The following ITIH6 variants were observed in gnomAD, a reference collection of about 807,000 sequenced individuals.
The protein encoded by ITIH6 is inter-alpha-trypsin inhibitor heavy chain family member 6, also known as inter-alpha-trypsin inhibitor heavy chain H6.
In ITIH6, 60 loss-of-function variants were observed where a neutral mutation model predicts 58.2. The ratio of observed to expected loss-of-function variants is 1.03; its 90% CI spans 0.84 to 1.28. The LOEUF is 1.28. Among genes scored for constraint, ITIH6 ranks in the 50% most tolerant of loss-of-function variants. The probability of loss-of-function intolerance (pLI) is 0.00; values close to 1 mark genes in which losing one functional copy is unlikely to be tolerated. For synonymous variants in ITIH6, 493 were observed against 417.4 expected (o/e 1.18, Z -2.21); for missense variants, 1,290 against 1,021.1 (o/e 1.26, Z -3.59).
intron 6 of ITIH6, among the ~76,000 whole-genome samples, chrX:54,772,860 C>T (rs887485789): frequency 1.8e-5 from 2 of 111,689 alleles, no homozygotes; most frequent in African/African-American, 3.3e-5. Context: ...AAGCTCCACT[C>T]GCTGGGCTCA....
intron 5 of ITIH6, among the ~76,000 whole-genome samples, chrX:54,774,443 T>G (rs1929015819): frequency 8.8e-6 from 1 of 113,158 alleles, no homozygotes; most frequent in Non-Finnish European, 1.9e-5. Flanking sequence ...GAGACTGGCT[T>G]GTAGCCCAGG....
Position 54,751,377 on chromosome X carries a change from A to G in ITIH6, c.3356T>C (p.Leu1119Pro), listed in dbSNP as rs754202486. The G allele has an allele frequency of 6.6e-6, 8 of 1,209,532 alleles. No homozygotes were observed. In the South Asian group the frequency reaches 1.4e-4, roughly 21 times the overall value. ...GCCAAGCAGCTTCCCACTCACATGC[A>G]GCCCTGGAGGGAGGGGAGTGTGGGC... is the stretch of plus-strand genomic sequence containing the variant. ...LQLIEDPKAG[L>P]HVSGKLLGAP... Residue 1119 changes from leucine to proline, a missense_variant, in exon 12 of 13, where the codon CTG (leucine) becomes CCG (proline). Physicochemically the swap from Leu to Pro is moderately conservative, Grantham distance 98 (BLOSUM62 -3). Transcript: ENST00000218436.
intron 8 of ITIH6, among the ~76,000 whole-genome samples, chrX:54,756,600 A>G (rs1928489403): frequency 9.0e-6 from 1 of 111,455 alleles, no homozygotes; most frequent in South Asian, 3.8e-4. Context: ...AAAAACCAAT[A>G]AGACCCGCCT....
chrX:54,751,641 G>T (rs745869241), intron 11 of ITIH6, among the ~76,000 whole-genome samples: 2 of 112,260 alleles, frequency 1.8e-5, no homozygotes, highest in South Asian at 3.7e-4. Flanking sequence ...TGTAATATGT[G>T]TGTTTGGTTA....
intron 5 of ITIH6, 43 bp downstream of exon 5, chrX:54,788,437 A>T: frequency 8.7e-7 from 1 of 1,148,562 alleles, no homozygotes; most frequent in Non-Finnish European, 1.2e-6. Flanking sequence ...GGCCTGTCTG[A>T]CTCCAGAGCC....
At chrX:54,787,143 A>G (rs925659750) in intron 5 of ITIH6, 3 of 111,836 alleles carry the variant, frequency 2.7e-5, no homozygotes, top group African/African-American at 9.8e-5. Flanking sequence ...ACATGACAGA[A>G]CACCAGGTTA....
At chrX:54,797,198 T>C (rs1335540633) in intron 1 of ITIH6, 102 bp from the exon 2 acceptor site, 4 of 650,796 alleles carry the variant, frequency 6.1e-6, no homozygotes, top group Non-Finnish European at 9.1e-6. Context: ...CCTCAAAGTA[T>C]ACAGGTGGAT....
At chrX:54,775,723 G>A (rs1390419882) in intron 5 of ITIH6, among the ~76,000 whole-genome samples, 1 of 111,448 alleles carries the variant, frequency 9.0e-6, no homozygotes, top group Non-Finnish European at 1.9e-5. Context: ...CTGAGAAAGT[G>A]GGCACCCTCA....
intron 2 of ITIH6, among the ~76,000 whole-genome samples, chrX:54,796,478 A>T (rs1929442692): frequency 9.1e-6 from 1 of 110,157 alleles, no homozygotes; most frequent in African/African-American, 3.3e-5. Context: ...GAGGTCAGAG[A>T]TTGAGACCAT....
At chrX:54,776,856 G>T (rs1419862571) in intron 5 of ITIH6, among the ~76,000 whole-genome samples, 1 of 112,060 alleles carries the variant, frequency 8.9e-6, no homozygotes, top group Admixed American at 9.4e-5. Context: ...TTTAGGTGAT[G>T]CACATTCCAA....
In ITIH6 at chrX:54,757,598, G is replaced by A; in HGVS notation, c.2476C>T (p.Pro826Ser). The A allele has an allele frequency of 2.5e-6, 3 of 1,211,238 alleles. No homozygotes were observed. The South Asian group carries it at 5.3e-5, about 21-fold the overall frequency. Residue 826 changes from proline to serine, a missense_variant, in exon 8 of 13, where the codon CCT becomes TCT. Physicochemically the swap from Pro to Ser is moderately conservative, Grantham distance 74 (BLOSUM62 -1). Transcript: ENST00000218436. ...QVPKYPLHTRPRVPAPKTRNN... is the reference protein window; with the variant it reads ...QVPKYPLHTRSRVPAPKTRNN... ...CGGGTCTTGGGAGCAGGAACCCTAG[G>A]TCTGGTGTGTAGTGGGTACTTGGGA...
At chrX:54,795,277 T>G (rs1037598448) in intron 2 of ITIH6, among the ~76,000 whole-genome samples, 1 of 112,452 alleles carries the variant, frequency 8.9e-6, no homozygotes, top group African/African-American at 3.2e-5. Flanking sequence ...GGAAAAATAA[T>G]ATTCATACTC....
In ITIH6 at chrX:54,753,935, G is replaced by A. The variant is rs753677323; in HGVS notation, c.3233C>T (p.Ser1078Phe). ...CATGGGGGTGACTGGCTTACCTGAG[G>A]AGGAGAAGGTGAAGATGCTAGGCAA... ...GTLPSIFTFS[S>F]SVDGDPHFVI... Residue 1078 changes from serine to phenylalanine, a missense_variant, in exon 10 of 13, where the codon TCC (serine) becomes TTC (phenylalanine). By Grantham distance (155) the Ser-to-Phe change is radical (BLOSUM62 -2). Transcript: ENST00000218436. 5 of 1,210,213 alleles carry A rather than the reference G, an allele frequency of 4.1e-6. No homozygotes were observed. The South Asian group carries it at 8.8e-5, about 21-fold the overall frequency.
intron 12 of ITIH6, among the ~76,000 whole-genome samples, chrX:54,750,383 CAA>C (rs1187026046): frequency 2.7e-5 from 3 of 110,464 alleles, no homozygotes; most frequent in Non-Finnish European, 3.8e-5. Flanking sequence ...AAGAAGGAGA[CAA>C]GAGGAGGGAG....
rs926356984 is a variant in ITIH6 at position 54,795,883 on chromosome X, T to G, written c.257+1059A>C. Among the ~76,000 whole-genome samples, 3 of 111,844 alleles carry G rather than the reference T, an allele frequency of 2.7e-5. No homozygotes were observed. In the Admixed American group the frequency reaches 2.8e-4, roughly 11 times the overall value. ...CTCACTGCTCCCCAACCCAATGCTC[T>G]TTTTTAGAGACAGTCTCACTCTGTC... On this transcript the variant is annotated intron_variant, in intron 2 of 12. Coordinates refer to ENST00000218436, the MANE Select transcript of ITIH6 (RefSeq NM_198510.3).
At chrX:54,755,717 G>C (rs1602050425) in intron 8 of ITIH6, among the ~76,000 whole-genome samples, 1 of 110,533 alleles carries the variant, frequency 9.0e-6, no homozygotes, top group African/African-American at 3.3e-5. Context: ...TCATTGGAGG[G>C]GCAAAATAGA....
At chrX:54,756,878 C>A (rs780887871) in intron 8 of ITIH6, 87 bp downstream of exon 8, 27 of 543,522 alleles carry the variant, frequency 5.0e-5, no homozygotes, top group Non-Finnish European at 7.6e-5. Flanking sequence ...TCACTGGAGT[C>A]TGCATAAGCC....
intron 11 of ITIH6, among the ~76,000 whole-genome samples, chrX:54,751,820 T>C (rs1237525251): frequency 8.9e-6 from 1 of 112,040 alleles, no homozygotes; most frequent in Admixed American, 9.4e-5. Flanking sequence ...TATGTGTTGG[T>C]CTGTGCTGAT....
intron 5 of ITIH6, among the ~76,000 whole-genome samples, chrX:54,776,029 A>C (rs1929044069): frequency 9.0e-6 from 1 of 111,613 alleles, no homozygotes; most frequent in South Asian, 3.8e-4. Flanking sequence ...GGTAGAAAGA[A>C]CAGTCTTGAA....
Sources: allele counts gnomAD v4.1 joint callset (sites outside exome capture counted in the v4.1 genomes callset), GRCh38; gene constraint gnomAD v4.1.1; transcripts MANE v1.5; gene names NCBI Gene and HGNC (gene_info 2026-07-23, HGNC 2026-07-21).